The following UGT2B15 variants were observed in gnomAD, a reference collection of about 807,000 sequenced individuals.
UGT2B15 encodes the protein UDP-glucuronosyltransferase 2B15.
A neutral mutation model predicts 45.9 loss-of-function variants in UGT2B15; 36 were observed. The observed-to-expected ratio is 0.78, with a 90% CI of 0.60 to 1.04. The LOEUF (loss-of-function observed/expected upper bound fraction) is 1.04, where lower values mean the gene tolerates loss of function less well. Ranked by LOEUF, UGT2B15 falls within the 50% of genes least tolerant of loss-of-function variation. The pLI, the probability that UGT2B15 is intolerant of heterozygous loss-of-function variation, is 0.00. For synonymous variants in UGT2B15, 219 were observed against 216.4 expected, an observed-to-expected ratio of 1.01 and a Z score of -0.11; for missense variants, 617 against 622.4, an observed-to-expected ratio of 0.99 and a Z score of 0.09.
At chr4:68,664,233 TC>T (rs1733051382) in intron 2 of UGT2B15, among the ~76,000 whole-genome samples, 1 of 148,738 alleles carries the variant, frequency 6.7e-6, no homozygotes, top group African/African-American at 2.5e-5. Context: ...AAATCCATTC[TC>T]TAATGCCACA....
Position 68,670,509 on chromosome 4 carries a change from A to C in UGT2B15, c.110T>G (p.Ile37Arg), listed in dbSNP as rs757989436. ...LVWPTEYSHW[I>R]NMKTILEELV... The stretch of plus-strand genomic sequence containing the variant: ...CTCTTCCAGGATTGTCTTCATATTT[A>C]TCCAATGGCTGTATTCTGTGGGCCA... The change falls in exon 1 of 6, where the codon ATA becomes AGA. Residue 37 changes from isoleucine to arginine, a missense_variant. Physicochemically the swap from Ile to Arg is moderately conservative, Grantham distance 97. Around this residue, in one of 3 missense-constraint regions of UGT2B15, gnomAD observed 351 missense variants for 342.1 expected, o/e 1.03. Coordinates refer to ENST00000338206, the MANE Select transcript of UGT2B15 (RefSeq NM_001076.4). The C allele has an allele frequency of 6.2e-6, 10 of 1,613,950 alleles. No homozygotes were observed. Among genetic ancestry groups the C allele is most frequent in the Non-Finnish European group, 8.5e-6 (10 of 1,179,960 alleles).
Position 68,646,729 on chromosome 4 carries a change from A to ATTT in UGT2B15, c.*372_*374dup, listed in dbSNP as rs4148274. 3.2e-3 allele frequency: 458 copies of ATTT among 141,372 alleles called. 3 individuals are homozygous for ATTT. The highest frequency in any genetic ancestry group is 8.0e-3 in the Admixed American group (113 of 14,134). The allele number at this position is 141,372 out of a possible 1,614,324, so 8.8% of individuals were successfully genotyped here. A position where few individuals can be genotyped will look rare whatever the true frequency, so the allele number is the denominator to read the frequency against. ...TTCCTGGTTTAAAAAAAAGAGTTGTATTTTTTTTTTTTGCTTTTTTTAAAT... is the reference window on the plus strand; with the variant it reads ...TTCCTGGTTTAAAAAAAAGAGTTGTATTTTTTTTTTTTTTTGCTTTTTTTAAAT... On this transcript the variant is annotated 3_prime_UTR_variant, in exon 6 of 6. Transcript: ENST00000338206.
Position 68,651,117 on chromosome 4 carries a change from C to T in UGT2B15, c.1313+2920G>A, listed in dbSNP as rs148837353. ...TCTGTAGGTTGCCTGTTCCCTCTGACGATAGTTTATTTTGCTGTGCAGAAG... is the reference window on the plus strand; with the variant it reads ...TCTGTAGGTTGCCTGTTCCCTCTGATGATAGTTTATTTTGCTGTGCAGAAG... On this transcript the variant is annotated intron_variant, in intron 5 of 5. Transcript: ENST00000338206. Among the ~76,000 whole-genome samples the T allele has an allele frequency of 5.5e-3, 822 of 150,646 alleles. 9 individuals are homozygous for T. Among genetic ancestry groups the T allele is most frequent in the African/African-American group, 0.019 (766 of 41,074 alleles).
chr4:68,657,860 A>G (rs1732856029), intron 3 of UGT2B15, among the ~76,000 whole-genome samples: 1 of 152,066 alleles, frequency 6.6e-6, no homozygotes, highest in Admixed American at 6.6e-5. Flanking sequence ...AAGCCATAGA[A>G]TCTTTTGTGT....
intron 3 of UGT2B15, among the ~76,000 whole-genome samples, chr4:68,658,380 CTT>C (rs1248048704): frequency 1.3e-5 from 2 of 151,994 alleles, no homozygotes; most frequent in African/African-American, 4.8e-5. Flanking sequence ...AATAAGATAA[CTT>C]TACAATTATT....
chr4:68,649,273 C>CTTTTTTTTTTTTT (rs71218976), intron 5 of UGT2B15, among the ~76,000 whole-genome samples: 1 of 93,260 alleles, frequency 1.1e-5, no homozygotes, highest in Non-Finnish European at 2.0e-5. Flanking sequence ...TTCATATAAT[C>CTTTTTTTTTTTTT]TTTTTTTTTT....
chr4:68,650,207 T>C (rs1044800713), intron 5 of UGT2B15, among the ~76,000 whole-genome samples: 1 of 152,036 alleles, frequency 6.6e-6, no homozygotes, highest in African/African-American at 2.4e-5. Flanking sequence ...GCAGGTTTGT[T>C]ACATACGTAT....
At chr4:68,661,807 A>G (rs1732976344) in intron 3 of UGT2B15, among the ~76,000 whole-genome samples, 1 of 152,142 alleles carries the variant, frequency 6.6e-6, no homozygotes, top group South Asian at 2.1e-4. Flanking sequence ...AATGTAGGAA[A>G]AAGGAGCCCA....
intron 3 of UGT2B15, among the ~76,000 whole-genome samples, chr4:68,655,922 G>T (rs1419540918): frequency 2.6e-5 from 4 of 152,020 alleles, no homozygotes; most frequent in Admixed American, 2.0e-4. Context: ...ACCATGAAGA[G>T]ATTCTGAGTG....
intron 5 of UGT2B15, among the ~76,000 whole-genome samples, chr4:68,653,200 T>A (rs991216491): frequency 2.3e-4 from 35 of 152,148 alleles, no homozygotes; most frequent in African/African-American, 7.7e-4. Context: ...ACGGAAAATA[T>A]GTATAACAAT....
At chr4:68,659,454 T>A (rs1360634357) in intron 3 of UGT2B15, among the ~76,000 whole-genome samples, 2 of 151,956 alleles carry the variant, frequency 1.3e-5, no homozygotes, top group African/African-American at 4.8e-5. Flanking sequence ...AAATATGAAA[T>A]GGTGTTTGGT....
Position 68,647,332 on chromosome 4 carries a change from C to T in UGT2B15, c.1365G>A (p.Met455Ile), listed in dbSNP as rs772062130. Residue 455 changes from methionine to isoleucine, a missense_variant, in exon 6 of 6, where the codon ATG (methionine) becomes ATA (isoleucine). By Grantham distance (10) the Met-to-Ile change is conservative. Around this residue, in one of 3 missense-constraint regions of UGT2B15, gnomAD observed 265 missense variants for 245.1 expected, o/e 1.08. Transcript: ENST00000338206. ...KLSRIHHDQP[M>I]KPLDRAVFWI... The stretch of plus-strand genomic sequence containing the variant: ...AGAAGACTGCTCGATCCAGGGGCTT[C>T]ATTGGTTGGTCATGATGAATTCTTG... The T allele has an allele frequency of 6.2e-7, 1 of 1,613,728 alleles. No individual in the cohort carries two copies. The highest frequency in any genetic ancestry group is 1.1e-5 in the South Asian group (1 of 91,054).
chr4:68,648,753 T>C (rs1387822739), intron 5 of UGT2B15, among the ~76,000 whole-genome samples: 1 of 152,122 alleles, frequency 6.6e-6, no homozygotes, highest in East Asian at 1.9e-4. Flanking sequence ...TCAAAGTAAG[T>C]ATTAACCTGA....
At chr4:68,666,603 C>T (rs1460875991) in intron 2 of UGT2B15, among the ~76,000 whole-genome samples, 2 of 151,606 alleles carry the variant, frequency 1.3e-5, no homozygotes, top group Admixed American at 6.6e-5. Flanking sequence ...TACAAACTTG[C>T]CTTTTTGCAA....
Position 68,663,148 on chromosome 4 carries a change from A to G in UGT2B15, c.874-9T>C. 1 of 1,586,456 alleles carries G rather than the reference A, an allele frequency of 6.3e-7. No individual in the cohort carries two copies. Among genetic ancestry groups the G allele is most frequent in the Non-Finnish European group, 8.6e-7 (1 of 1,167,702 alleles). The stretch of plus-strand genomic sequence containing the variant: ...ACAAACTCTTCCATTTCCTGTGAAG[A>G]AAGAATTTGTTCTATCAGAAAAGAG... On this transcript the variant is annotated splice_polypyrimidine_tract_variant and intron_variant, in intron 2 of 5. Transcript: ENST00000338206.
intron 5 of UGT2B15, among the ~76,000 whole-genome samples, chr4:68,648,386 A>G (rs1335714075): frequency 2.0e-5 from 3 of 151,800 alleles, no homozygotes; most frequent in East Asian, 1.9e-4. Flanking sequence ...TGTCTCTCTC[A>G]TTGAGCATTC....
rs549772217 is a variant in UGT2B15 at position 68,660,601 on chromosome 4, A to G, written c.1005+2407T>C. 1.2e-3 allele frequency among the ~76,000 whole-genome samples: 187 copies of G among 152,014 alleles called. 3 individuals carry two copies. The highest frequency in any genetic ancestry group is 2.4e-3 in the Non-Finnish European group (163 of 67,920). On this transcript the variant is annotated intron_variant, in intron 3 of 5. Coordinates refer to ENST00000338206, the MANE Select transcript of UGT2B15 (RefSeq NM_001076.4). ...CTTTAGTAAAATTGGGAAACTGAAG[A>G]CAGAAAAATTATGTTTCAAAAATAA...
intron 3 of UGT2B15, among the ~76,000 whole-genome samples, chr4:68,657,583 T>C (rs569978474): frequency 6.6e-6 from 1 of 152,086 alleles, no homozygotes; most frequent in Non-Finnish European, 1.5e-5. Context: ...CTGATATCAC[T>C]TGGTAGGTTT....
At chr4:68,654,306 T>C in intron 4 of UGT2B15, 50 bp from the exon 5 acceptor site, 2 of 1,585,924 alleles carry the variant, frequency 1.3e-6, no homozygotes, top group Non-Finnish European at 1.7e-6. Context: ...GGTATGAGAA[T>C]TGAATAAGAA....
Sources: allele counts gnomAD v4.1 joint callset (sites outside exome capture counted in the v4.1 genomes callset), GRCh38; gene constraint gnomAD v4.1.1; regional missense constraint gnomAD v4.1.1; transcripts MANE v1.5; gene names NCBI Gene and HGNC (gene_info 2026-07-23, HGNC 2026-07-21).